The following CCSER1 variants were observed in gnomAD, a reference collection of about 807,000 sequenced individuals.
CCSER1 encodes the protein coiled-coil serine rich protein 1, also known as serine-rich coiled-coil domain-containing protein 1.
A neutral mutation model predicts 82.0 loss-of-function variants in CCSER1; 41 were observed. The ratio of observed to expected loss-of-function variants is 0.50; its 90% confidence interval spans 0.39 to 0.65. The LOEUF is 0.65. Ranked by LOEUF, CCSER1 falls within the 30% of genes least tolerant of loss-of-function variation. The probability of loss-of-function intolerance (pLI) is 0.00; values close to 1 mark genes in which losing one functional copy is unlikely to be tolerated. For synonymous variants in CCSER1, 414 were observed against 383.9 expected, an observed-to-expected ratio of 1.08 and a Z score of -0.92; for missense variants, 1,119 against 1,064.2, an observed-to-expected ratio of 1.05 and a Z score of -0.72.
Position 90,574,424 on chromosome 4 carries a change from G to T in CCSER1, c.1725-53601G>T, listed in dbSNP as rs567153109. ...GCTGGGACTACAGGCGCCCGCCACC[G>T]CGCCCGGCTAATTTTTTGTATTTTT... On this transcript the variant is annotated intron_variant, in intron 5 of 10. Coordinates refer to ENST00000509176, the MANE Select transcript of CCSER1 (RefSeq NM_001145065.2). Among the ~76,000 whole-genome samples, 330 of 150,398 alleles carry T rather than the reference G, an allele frequency of 2.2e-3. 1 individual carries two copies. Among genetic ancestry groups the T allele is most frequent in the African/African-American group, 7.8e-3 (317 of 40,888 alleles).
intron 10 of CCSER1, among the ~76,000 whole-genome samples, chr4:91,436,729 C>G (rs190325904): frequency 4.2e-4 from 64 of 152,182 alleles, no homozygotes; most frequent in Non-Finnish European, 8.2e-4. Flanking sequence ...ATGAGTGGAG[C>G]TCAGCTAGGG....
In CCSER1 at chr4:91,084,701, T is replaced by G. The variant is rs1346116239; in HGVS notation, c.2173-1249T>G. ...ACTGTTCTATAAATTTAGATAATTT[T>G]CTATAATCAGAAAACAGGCTACCAC... is the stretch of plus-strand genomic sequence containing the variant. On this transcript the variant is annotated intron_variant, in intron 9 of 10. Coordinates refer to ENST00000509176, the MANE Select transcript of CCSER1 (RefSeq NM_001145065.2). 2.0e-5 allele frequency among the ~76,000 whole-genome samples: 3 copies of G among 152,246 alleles called. No homozygotes were observed. The East Asian group carries it at 5.8e-4, about 29-fold the overall frequency.
chr4:91,056,538 T>C (rs987286456), intron 9 of CCSER1, among the ~76,000 whole-genome samples: 1 of 152,168 alleles, frequency 6.6e-6, no homozygotes, highest in Non-Finnish European at 1.5e-5. Context: ...ATTCATGCTC[T>C]GTCTGTATGA....
chr4:91,440,172 G>T (rs1215663500), intron 10 of CCSER1, among the ~76,000 whole-genome samples: 1 of 152,048 alleles, frequency 6.6e-6, no homozygotes, highest in Middle Eastern at 3.2e-3. Context: ...ATTTTTTTCA[G>T]CAGCACACCA....
intron 9 of CCSER1, among the ~76,000 whole-genome samples, chr4:90,933,283 G>A (rs1321357203): frequency 6.6e-6 from 1 of 151,104 alleles, no homozygotes; most frequent in Non-Finnish European, 1.5e-5. Flanking sequence ...CACCTCCCGG[G>A]TTCACCGCAT....
chr4:91,296,720 C>T (rs1355498636), intron 10 of CCSER1, among the ~76,000 whole-genome samples: 1 of 150,374 alleles, frequency 6.7e-6, no homozygotes, highest in Non-Finnish European at 1.5e-5. Context: ...AATACTATCC[C>T]AGACAATTTC....
intron 1 of CCSER1, among the ~76,000 whole-genome samples, chr4:90,151,694 C>A (rs935080384): frequency 1.3e-5 from 2 of 152,042 alleles, no homozygotes; most frequent in African/African-American, 4.8e-5. Flanking sequence ...AAACATAATT[C>A]AGTCTAGGAG....
intron 10 of CCSER1, among the ~76,000 whole-genome samples, chr4:91,334,112 T>C (rs1332499927): frequency 6.6e-6 from 1 of 152,156 alleles, no homozygotes; most frequent in East Asian, 1.9e-4. Context: ...TACAAATGTT[T>C]ACATAAATGG....
chr4:90,768,893 A>G (rs1751660251), intron 7 of CCSER1, among the ~76,000 whole-genome samples: 1 of 152,214 alleles, frequency 6.6e-6, no homozygotes, highest in South Asian at 2.1e-4. Context: ...AAGAGGAGCC[A>G]GTACTTGTGA....
At chr4:90,538,129 A>T (rs575332599) in intron 5 of CCSER1, among the ~76,000 whole-genome samples, 1,764 of 151,974 alleles carry the variant, frequency 0.012, 29 homozygotes, top group African/African-American at 0.04. Flanking sequence ...TATAAGGTGG[A>T]TTTTATTTTT....
chr4:90,600,702 G>A (rs558704227), intron 5 of CCSER1, among the ~76,000 whole-genome samples: 2 of 151,476 alleles, frequency 1.3e-5, no homozygotes, highest in Non-Finnish European at 3.0e-5. Flanking sequence ...GCTACTTTAT[G>A]TCCTTTAAAT....
At chr4:91,029,293 T>C (rs1469110269) in intron 9 of CCSER1, among the ~76,000 whole-genome samples, 2 of 151,914 alleles carry the variant, frequency 1.3e-5, no homozygotes, top group East Asian at 3.9e-4. Context: ...TACATAAAAA[T>C]ACATGAACGT....
intron 9 of CCSER1, among the ~76,000 whole-genome samples, chr4:91,035,773 A>G (rs935539816): frequency 4.6e-5 from 7 of 152,186 alleles, no homozygotes; most frequent in African/African-American, 1.4e-4. Context: ...ATCCAACTCA[A>G]TGTTTAATTG....
At chr4:90,291,603 C>T (rs566022162) in intron 1 of CCSER1, among the ~76,000 whole-genome samples, 39 of 152,030 alleles carry the variant, frequency 2.6e-4, no homozygotes, top group Non-Finnish European at 5.3e-4. Flanking sequence ...TCAAAGAAGA[C>T]AATTTACTGA....
chr4:91,217,398 T>C lies in CCSER1; in HGVS notation c.2217+131404T>C, dbSNP rs543703125. On this transcript the variant is annotated intron_variant, in intron 10 of 10. Coordinates refer to ENST00000509176, the MANE Select transcript of CCSER1 (RefSeq NM_001145065.2). ...AAGGTTCTCCACCTCCCCATCAGAT[T>C]AGTTAGATGCAGAGTCTCAACACAC... Among the ~76,000 whole-genome samples the C allele has an allele frequency of 2.0e-5, 3 of 152,214 alleles. No homozygotes were observed. In the South Asian group the frequency reaches 6.2e-4, roughly 32 times the overall value.
intron 10 of CCSER1, among the ~76,000 whole-genome samples, chr4:91,335,766 T>C (rs1361399823): frequency 6.6e-6 from 1 of 152,018 alleles, no homozygotes; most frequent in Non-Finnish European, 1.5e-5. Context: ...TGGTGGCCAT[T>C]TCTTTAGCAG....
rs1734910110 is a variant in CCSER1, at chr4:90,309,474, A to G, written c.1190A>G (p.Tyr397Cys). ...AACTCCCCAAGGAAACTTGGATTTT[A>G]TGAGCAACATAAAGCAATAGCGGAA... ...GTNSPRKLGF[Y>C]EQHKAIAEHV... The change falls in exon 2 of 11, where the codon TAT becomes TGT. Residue 397 changes from tyrosine to cysteine, a missense_variant. Coordinates refer to ENST00000509176, the MANE Select transcript of CCSER1 (RefSeq NM_001145065.2). The G allele has an allele frequency of 6.2e-7, 1 of 1,613,904 alleles. No homozygotes were observed. The highest frequency in any genetic ancestry group is 1.3e-5 in the African/African-American group (1 of 75,064).
At chr4:90,395,847 C>T (rs764548823) in intron 3 of CCSER1, among the ~76,000 whole-genome samples, 7 of 149,658 alleles carry the variant, frequency 4.7e-5, no homozygotes, top group African/African-American at 1.2e-4. Flanking sequence ...GCCAAAGCGG[C>T]AGACATGAGG....
chr4:91,325,682 A>C (rs1030218743), intron 10 of CCSER1, among the ~76,000 whole-genome samples: 1 of 152,336 alleles, frequency 6.6e-6, no homozygotes, highest in Admixed American at 6.5e-5. Flanking sequence ...TCCCAGACTC[A>C]GAATTTGGCT....
Sources: gnomAD v4.1 joint callset for allele counts (sites outside exome capture counted in the v4.1 genomes callset) on GRCh38, gnomAD v4.1.1 for gene constraint, MANE v1.5 for transcripts, NCBI Gene and HGNC (gene_info 2026-07-23, HGNC 2026-07-21) for gene names.